The following NLE1 variants were observed in gnomAD, a reference collection of about 807,000 sequenced individuals.
The protein encoded by NLE1 is notchless protein homolog 1.
Under a neutral mutation model 62.8 loss-of-function variants are expected in NLE1, and 37 were observed. The ratio of observed to expected loss-of-function variants is 0.59; its 90% CI spans 0.45 to 0.78. The LOEUF (loss-of-function observed/expected upper bound fraction) is 0.78, where lower values mean the gene tolerates loss of function less well. Ranked by LOEUF, NLE1 falls within the 30% of genes least tolerant of loss-of-function variation. The pLI, the probability that NLE1 is intolerant of heterozygous loss-of-function variation, is 0.00. For synonymous variants in NLE1, 243 were observed against 253.0 expected (o/e 0.96, Z 0.37); for missense variants, 555 against 637.9 (o/e 0.87, Z 1.40).
At chr17:35,140,490 A>G (rs2091936527) in intron 2 of NLE1, among the ~76,000 whole-genome samples, 1 of 152,264 alleles carries the variant, frequency 6.6e-6, no homozygotes, top group East Asian at 1.9e-4. Context: ...CGGCCTCCCA[A>G]AGTGCTGGGA....
rs996730010 is a variant in NLE1 at position 35,142,267 on chromosome 17, T to G, written c.9A>C (p.Ala3=). 7 of 1,543,634 alleles carry G rather than the reference T, an allele frequency of 4.5e-6. No individual in the cohort carries two copies. The highest frequency in any genetic ancestry group is 6.1e-6 in the Non-Finnish European group (7 of 1,147,598). ...ATCCACGCACACCCACCGGCACTGC[T>G]GCCGCCATCCTGCGTCCCCACGTGG... MA[A]AVPDEAVARD... is the part of the protein sequence containing the mutation. The change falls in exon 1 of 13, where the codon GCA becomes GCC. Residue 3 remains alanine (A), a synonymous_variant. Transcript: ENST00000442241.
In NLE1 at chr17:35,130,983, G is replaced by C. The variant is rs2091873276; in HGVS notation, c.*1454C>G. 1 of 154,314 alleles carries C rather than the reference G, an allele frequency of 6.5e-6. No homozygotes were observed. The highest frequency in any genetic ancestry group is 6.3e-5 in the Admixed American group (1 of 15,822). The allele number at this position is 154,314 out of a possible 1,614,324, so 9.6% of individuals were successfully genotyped here. On this transcript the variant is annotated 3_prime_UTR_variant, in exon 13 of 13. Coordinates refer to ENST00000442241, the MANE Select transcript of NLE1 (RefSeq NM_018096.5). ...GTCATGGACAGACGTGGTGGCCCAT[G>C]AACTGTCAAACTAGCTTGAGCTCTG...
Position 35,139,390 on chromosome 17 carries a change from A to G in NLE1, c.381-76T>C, listed in dbSNP as rs898454310. 2.9e-5 allele frequency: 35 copies of G among 1,197,714 alleles called. No individual in the cohort carries two copies. In the African/African-American group the frequency reaches 4.2e-4, roughly 14 times the overall value. 74.2% of individuals were successfully genotyped at this position (1,197,714 alleles called of 1,614,324 possible). A position where few individuals can be genotyped will look rare whatever the true frequency, so the allele number is the denominator to read the frequency against. On this transcript the variant is annotated intron_variant, in intron 3 of 12. Coordinates refer to ENST00000442241, the MANE Select transcript of NLE1 (RefSeq NM_018096.5). ...CTATTCAATCACTTTCTGTGAATAG[A>G]ATATGGAACTGGACTCTTTCCTCGC... is the stretch of plus-strand genomic sequence containing the variant.
Position 35,129,761 on chromosome 17 carries a change from C to T in NLE1, c.*2676G>A. 6.7e-7 allele frequency: 1 copy of T among 1,487,820 alleles called. No individual in the cohort carries two copies. The allele number at this position is 1,487,820 out of a possible 1,614,324, so 92.2% of individuals were successfully genotyped here. The stretch of plus-strand genomic sequence containing the variant: ...ACACCCCTATGCCCACATGACTCAT[C>T]TGGCTAGCTTTCCTTCTGCCTGGGT... On this transcript the variant is annotated 3_prime_UTR_variant, in exon 13 of 13. Coordinates refer to ENST00000442241, the MANE Select transcript of NLE1 (RefSeq NM_018096.5).
At chr17:35,139,698 G>A (rs1597894240) in intron 3 of NLE1, 151 bp downstream of exon 3, 2 of 1,090,210 alleles carry the variant, frequency 1.8e-6, no homozygotes, top group Admixed American at 5.4e-5. Flanking sequence ...CCCTACTGAG[G>A]AAGTCCCTTA....
rs146757908 is a variant in NLE1, at chr17:35,130,341, C to A, written c.*2096G>T. 3 of 1,614,112 alleles carry A rather than the reference C, an allele frequency of 1.9e-6. No individual in the cohort carries two copies. In the East Asian group the frequency reaches 6.7e-5, roughly 36 times the overall value. Reference sequence around the variant, plus strand: ...CTGAGAACTACCCCATCCAGATCACCGTGCGGCGCAAGGAACCCCGGCAAA... The same window carrying A: ...CTGAGAACTACCCCATCCAGATCACAGTGCGGCGCAAGGAACCCCGGCAAA... On this transcript the variant is annotated 3_prime_UTR_variant, in exon 13 of 13. Coordinates refer to ENST00000442241, the MANE Select transcript of NLE1 (RefSeq NM_018096.5).
At chr17:35,136,908 C>T (rs983197395) in intron 7 of NLE1, 93 bp downstream of exon 7, 66 of 1,216,308 alleles carry the variant, frequency 5.4e-5, no homozygotes, top group Admixed American at 3.3e-4. Flanking sequence ...ATCTGGGAAA[C>T]ACTGGACTCG....
intron 12 of NLE1, among the ~76,000 whole-genome samples, 153 bp downstream of exon 12, chr17:35,133,018 G>T (rs1449631728): frequency 6.6e-6 from 1 of 152,090 alleles, no homozygotes; most frequent in Non-Finnish European, 1.5e-5. Context: ...CCTCCCACTT[G>T]CCCACTGAGA....
intron 5 of NLE1, 42 bp downstream of exon 5, chr17:35,137,772 G>GC (rs772375900): frequency 6.7e-7 from 1 of 1,499,268 alleles, no homozygotes; most frequent in Non-Finnish European, 9.3e-7. Context: ...TCCTAGGAAG[G>GC]CCCCCTTGAG....
rs751215582 is a variant in NLE1 at position 35,137,784 on chromosome 17, C to A, written c.537+30G>T. 7 of 1,465,810 alleles carry A rather than the reference C, an allele frequency of 4.8e-6. No individual in the cohort carries two copies. The African/African-American group carries it at 7.2e-5, about 15-fold the overall frequency. The allele number at this position is 1,465,810 out of a possible 1,614,324, so 90.8% of individuals were successfully genotyped here. ...GTCTCCTAGGAAGGCCCCCTTGAGT[C>A]TCTGCCTAGTTACCCTGAGAACTAC... On this transcript the variant is annotated intron_variant, in intron 5 of 12. Coordinates refer to ENST00000442241, the MANE Select transcript of NLE1 (RefSeq NM_018096.5).
intron 11 of NLE1, 25 bp from the exon 12 acceptor site, chr17:35,133,266 G>A (rs889815267): frequency 6.2e-7 from 1 of 1,614,144 alleles, no homozygotes; most frequent in South Asian, 1.1e-5. Flanking sequence ...AGGAAGGCAG[G>A]TGGGGTGGTG....
rs765785996 is a variant in NLE1, at chr17:35,139,921, A to G, written c.308T>C (p.Val103Ala). 1.2e-6 allele frequency: 2 copies of G among 1,614,012 alleles called. No homozygotes were observed. Among genetic ancestry groups the G allele is most frequent in the South Asian group, 1.1e-5 (1 of 91,084 alleles). The part of the protein sequence containing the change: ...QPQAIFRVRA[V>A]TRCTSSLEGH... ...CTCCAAGGAGCTGGTGCAGCGAGTC[A>G]CAGCCCGGACTCTGAAGATAGCCTG... The change falls in exon 3 of 13, where the codon GTG (valine) becomes GCG (alanine). Residue 103 changes from valine to alanine, a missense_variant. Coordinates refer to ENST00000442241, the MANE Select transcript of NLE1 (RefSeq NM_018096.5).
Position 35,139,414 on chromosome 17 carries a change from G to A in NLE1, c.381-100C>T, listed in dbSNP as rs116785692. The A allele has an allele frequency of 1.1e-3, 1,037 of 956,838 alleles. 8 individuals carry two copies. The African/African-American group carries it at 0.014, about 13-fold the overall frequency. 59.3% of individuals were successfully genotyped at this position (956,838 alleles called of 1,614,324 possible). ...GAATATGGAACTGGACTCTTTCCTC[G>A]CCCCTGGAAGGGAGAAAGACAATAC... On this transcript the variant is annotated intron_variant, in intron 3 of 12. Coordinates refer to ENST00000442241, the MANE Select transcript of NLE1 (RefSeq NM_018096.5).
rs1406363561 is a variant in NLE1, at chr17:35,128,777, A to C, written c.*3660T>G. The C allele has an allele frequency of 6.4e-6, 1 of 155,916 alleles. No individual in the cohort carries two copies. Among genetic ancestry groups the C allele is most frequent in the Non-Finnish European group, 1.4e-5 (1 of 70,780 alleles). 9.7% of individuals were successfully genotyped at this position (155,916 alleles called of 1,614,324 possible). A position where few individuals can be genotyped will look rare whatever the true frequency, so the allele number is the denominator to read the frequency against. ...TACATTTATTGTGTACTTTATTTCT[A>C]TTATTATTACATTGTAATATATAAT... On this transcript the variant is annotated 3_prime_UTR_variant, in exon 13 of 13. Transcript: ENST00000442241.
rs2091861007 is a variant in NLE1, at chr17:35,129,087, C to T, written c.*3350G>A. On this transcript the variant is annotated 3_prime_UTR_variant, in exon 13 of 13. Transcript: ENST00000442241. ...AAATACAGATGAAGCTTCGCTTGCTCGCCCACCAATCTCCTCCTGCTGTGC... is the reference window on the plus strand; with the variant it reads ...AAATACAGATGAAGCTTCGCTTGCTTGCCCACCAATCTCCTCCTGCTGTGC... 3 of 239,152 alleles carry T rather than the reference C, an allele frequency of 1.3e-5. No homozygotes were observed. The highest frequency in any genetic ancestry group is 8.5e-5 in the East Asian group (1 of 11,830). The allele number at this position is 239,152 out of a possible 1,614,324, so 14.8% of individuals were successfully genotyped here. A position where few individuals can be genotyped will look rare whatever the true frequency, so the allele number is the denominator to read the frequency against.
Position 35,130,264 on chromosome 17 carries a change from T to A in NLE1, c.*2173A>T, listed in dbSNP as rs751842705. On this transcript the variant is annotated 3_prime_UTR_variant, in exon 13 of 13. Transcript: ENST00000442241. ...GATCTGGGAAGGAACTCTGAAGGGT[T>A]TTCTTGTTTCACTTCAGTTTGCAAC... 6.2e-7 allele frequency: 1 copy of A among 1,612,170 alleles called. No individual in the cohort carries two copies. Among genetic ancestry groups the A allele is most frequent in the Non-Finnish European group, 8.5e-7 (1 of 1,178,930 alleles).
chr17:35,133,564 C>T lies in NLE1; in HGVS notation c.1215-66G>A, dbSNP rs967908572. ...ACATCTTTCAACACGTCTGAAGGGT[C>T]CCCTACGCTCATGGCAGTGGTTCTC... On this transcript the variant is annotated intron_variant, in intron 10 of 12. Coordinates refer to ENST00000442241, the MANE Select transcript of NLE1 (RefSeq NM_018096.5). 9 of 1,455,224 alleles carry T rather than the reference C, an allele frequency of 6.2e-6. No individual in the cohort carries two copies. In the Middle Eastern group the frequency reaches 1.1e-3, roughly 171 times the overall value. 90.1% of individuals were successfully genotyped at this position (1,455,224 alleles called of 1,614,324 possible).
At chr17:35,138,632 T>C (rs962783165) in intron 4 of NLE1, among the ~76,000 whole-genome samples, 1 of 152,192 alleles carries the variant, frequency 6.6e-6, no homozygotes, top group South Asian at 2.1e-4. Flanking sequence ...TTAGTAGAGA[T>C]GGGGTTTCAC....
chr17:35,129,502 G>A lies in NLE1; in HGVS notation c.*2935C>T. On this transcript the variant is annotated 3_prime_UTR_variant, in exon 13 of 13. Coordinates refer to ENST00000442241, the MANE Select transcript of NLE1 (RefSeq NM_018096.5). Reference sequence around the variant, plus strand: ...TACAGGAGGTGGCCAAGACACAGGAGAATGAGTTGCCCGAGGCAAAGAATC... The same window carrying A: ...TACAGGAGGTGGCCAAGACACAGGAAAATGAGTTGCCCGAGGCAAAGAATC... The A allele has an allele frequency of 6.2e-7, 1 of 1,614,204 alleles. No individual in the cohort carries two copies. The highest frequency in any genetic ancestry group is 8.5e-7 in the Non-Finnish European group (1 of 1,180,034).
Sources: allele counts gnomAD v4.1 joint callset (sites outside exome capture counted in the v4.1 genomes callset), GRCh38; gene constraint gnomAD v4.1.1; transcripts MANE v1.5; gene names NCBI Gene and HGNC (gene_info 2026-07-23, HGNC 2026-07-21).